MSRA: variants seen among roughly 807,000 people sequenced by gnomAD.
The protein encoded by MSRA is methionine sulfoxide reductase A.
MSRA carries 54 observed loss-of-function variants against 31.3 expected under a neutral mutation model. The ratio of observed to expected loss-of-function variants is 1.73; its 90% CI spans 1.39 to 2.17. The LOEUF is 2.17. Among genes scored for constraint, MSRA ranks in the 30% most tolerant of loss-of-function variants. The probability of loss-of-function intolerance (pLI) is 0.00; values close to 1 mark genes in which losing one functional copy is unlikely to be tolerated. For missense variants in MSRA, 507 were observed against 300.9 expected (o/e 1.69, Z -5.07); for synonymous variants, 169 against 116.5 (o/e 1.45, Z -2.90).
intron 1 of MSRA, among the ~76,000 whole-genome samples, chr8:10,163,264 C>T (rs1190426469): frequency 6.6e-6 from 1 of 152,198 alleles, no homozygotes. Context: ...GCAGCCCCCG[C>T]CGACTCAGAC....
Position 10,100,827 on chromosome 8 carries a change from A to C in MSRA, c.142+46169A>C, listed in dbSNP as rs181094015. Among the ~76,000 whole-genome samples the C allele has an allele frequency of 2.5e-3, 381 of 152,282 alleles. 1 individual carries two copies. The highest frequency in any genetic ancestry group is 9.0e-3 in the African/African-American group (374 of 41,572). On this transcript the variant is annotated intron_variant, in intron 1 of 5. Transcript: ENST00000317173. ...GAGGAGATGAACATTTTCTTCTCTT[A>C]CAGTTAAGAATCTCTCAGTCTTACA... is the stretch of plus-strand genomic sequence containing the variant.
chr8:10,058,053 C>G (rs1802496116), intron 1 of MSRA, among the ~76,000 whole-genome samples: 1 of 152,162 alleles, frequency 6.6e-6, no homozygotes, highest in Non-Finnish European at 1.5e-5. Context: ...TTTAAAATAA[C>G]TTTGACAAGT....
chr8:10,288,507 C>T (rs1179911410), intron 3 of MSRA, among the ~76,000 whole-genome samples: 2 of 152,124 alleles, frequency 1.3e-5, no homozygotes, highest in Admixed American at 6.6e-5. Context: ...GTTGTGTTGG[C>T]ATGCTTTTAA....
chr8:10,361,563 G>C (rs1804847496), intron 5 of MSRA, among the ~76,000 whole-genome samples: 1 of 152,086 alleles, frequency 6.6e-6, no homozygotes, highest in African/African-American at 2.4e-5. Context: ...CAGGATTCTT[G>C]AAGGCTGCAA....
intron 5 of MSRA, among the ~76,000 whole-genome samples, chr8:10,400,181 C>T (rs888480407): frequency 6.6e-6 from 1 of 151,886 alleles, no homozygotes; most frequent in African/African-American, 2.4e-5. Flanking sequence ...TACGTGATCA[C>T]TCTGGAGGAA....
intron 1 of MSRA, among the ~76,000 whole-genome samples, chr8:10,123,007 C>T (rs912354773): frequency 6.6e-6 from 1 of 152,120 alleles, no homozygotes; most frequent in Admixed American, 6.5e-5. Flanking sequence ...GTGCATGTGT[C>T]TATATAGGAG....
At chr8:10,299,034 A>G (rs1231408059) in intron 3 of MSRA, among the ~76,000 whole-genome samples, 3 of 152,180 alleles carry the variant, frequency 2.0e-5, no homozygotes, top group Non-Finnish European at 4.4e-5. Context: ...GCACCATTTC[A>G]TTGTATCCTC....
intron 2 of MSRA, among the ~76,000 whole-genome samples, chr8:10,234,069 A>G (rs1811728599): frequency 1.3e-5 from 2 of 152,202 alleles, no homozygotes; most frequent in African/African-American, 4.8e-5. Context: ...TACATTCGAT[A>G]GTATAGACAT....
At chr8:10,181,385 C>T (rs536905448) in intron 1 of MSRA, among the ~76,000 whole-genome samples, 52 of 150,648 alleles carry the variant, frequency 3.5e-4, no homozygotes, top group African/African-American at 1.2e-3. Context: ...CAAAAGACAG[C>T]GTGCAGTATA....
intron 5 of MSRA, among the ~76,000 whole-genome samples, chr8:10,342,832 C>G (rs757949456): frequency 1.3e-5 from 2 of 152,198 alleles, no homozygotes; most frequent in African/African-American, 4.8e-5. Flanking sequence ...GACCAGGCTC[C>G]GGTGAAAGAC....
chr8:10,387,734 C>A (rs1806482692), intron 5 of MSRA, among the ~76,000 whole-genome samples: 1 of 152,180 alleles, frequency 6.6e-6, no homozygotes, highest in South Asian at 2.1e-4. Context: ...ATGGTGATGA[C>A]TTTTAGTCTT....
At chr8:10,163,264 C>G (rs1190426469) in intron 1 of MSRA, among the ~76,000 whole-genome samples, 2 of 152,198 alleles carry the variant, frequency 1.3e-5, no homozygotes, top group African/African-American at 4.8e-5. Flanking sequence ...GCAGCCCCCG[C>G]CGACTCAGAC....
rs1190622230 is a variant in MSRA, at chr8:10,255,076, C to T, written c.331+9853C>T. On this transcript the variant is annotated intron_variant, in intron 3 of 5. Transcript: ENST00000317173. ...TGCTGTGATTGGGAGAGGGGGCTTC[C>T]CCCAGCACTGTCCTCAGTATTCTGG... Among the ~76,000 whole-genome samples the T allele has an allele frequency of 6.6e-5, 10 of 152,218 alleles. 1 individual carries two copies. The highest frequency in any genetic ancestry group is 2.2e-4 in the African/African-American group (9 of 41,454).
intron 1 of MSRA, among the ~76,000 whole-genome samples, chr8:10,162,514 C>A (rs1324487609): frequency 6.6e-6 from 1 of 152,094 alleles, no homozygotes; most frequent in Non-Finnish European, 1.5e-5. Context: ...CTGATGGGCA[C>A]CCCCTGTTGA....
At chr8:10,185,138 C>G (rs557108024) in intron 1 of MSRA, among the ~76,000 whole-genome samples, 2 of 152,322 alleles carry the variant, frequency 1.3e-5, no homozygotes, top group South Asian at 2.1e-4. Context: ...CTGCTGATCT[C>G]TCATCTCTGG....
chr8:10,383,538 G>A (rs1213784923), intron 5 of MSRA, among the ~76,000 whole-genome samples: 1 of 152,050 alleles, frequency 6.6e-6, no homozygotes, highest in Non-Finnish European at 1.5e-5. Flanking sequence ...TTAGCTGCCT[G>A]TCAGTTATTT....
intron 1 of MSRA, among the ~76,000 whole-genome samples, chr8:10,135,609 C>T (rs1320099218): frequency 6.6e-6 from 1 of 152,162 alleles, no homozygotes; most frequent in Non-Finnish European, 1.5e-5. Flanking sequence ...TGATCCCAAG[C>T]ATATAACATG....
At chr8:10,070,243 A>G (rs1191875226) in intron 1 of MSRA, among the ~76,000 whole-genome samples, 17 of 152,204 alleles carry the variant, frequency 1.1e-4, no homozygotes, top group Admixed American at 1.1e-3. Flanking sequence ...TTGGTTTCTA[A>G]GTACAGCGTG....
rs867041130 is a variant in MSRA, at chr8:10,249,871, C to T, written c.331+4648C>T. ...CTGGCTGGCACTAGGGAACCCAGAACGTGGACTGGAATAGCCATGAGGAGC... is the reference window on the plus strand; with the variant it reads ...CTGGCTGGCACTAGGGAACCCAGAATGTGGACTGGAATAGCCATGAGGAGC... On this transcript the variant is annotated intron_variant, in intron 3 of 5. Transcript: ENST00000317173. Among the ~76,000 whole-genome samples the T allele has an allele frequency of 2.6e-5, 4 of 152,308 alleles. No individual in the cohort carries two copies. The South Asian group carries it at 8.3e-4, about 32-fold the overall frequency.
Sources: gnomAD v4.1 joint callset for allele counts (sites outside exome capture counted in the v4.1 genomes callset) on GRCh38, gnomAD v4.1.1 for gene constraint, MANE v1.5 for transcripts, NCBI Gene and HGNC (gene_info 2026-07-23, HGNC 2026-07-21) for gene names.